Variants in TRPM3 observed in about 807,000 individuals in gnomAD.
TRPM3 encodes the protein long transient receptor potential channel 3.
Under a neutral mutation model 181.2 loss-of-function variants are expected in TRPM3, and 77 were observed. That is an observed-to-expected ratio of 0.42 (90% CI 0.35 to 0.51). The LOEUF is 0.51. Among genes scored for constraint, TRPM3 ranks in the 20% least tolerant of loss-of-function variants. The pLI, the probability that TRPM3 is intolerant of heterozygous loss-of-function variation, is 0.01. For synonymous variants in TRPM3, 745 were observed against 796.4 expected (o/e 0.94, Z 1.09); for missense variants, 1,759 against 2,196.7 (o/e 0.80, Z 3.98).
At chr9:71,288,310 A>G (rs1038990418) in intron 1 of TRPM3, among the ~76,000 whole-genome samples, 8 of 152,102 alleles carry the variant, frequency 5.3e-5, no homozygotes, top group African/African-American at 1.9e-4. Flanking sequence ...TTCTGGATGT[A>G]GAGCTAAAAC....
intron 1 of TRPM3, among the ~76,000 whole-genome samples, chr9:71,446,235 A>G (rs1394531434): frequency 6.6e-6 from 1 of 152,158 alleles, no homozygotes; most frequent in Non-Finnish European, 1.5e-5. Context: ...GAGTAAAAAT[A>G]TGGCATGCCC....
intron 1 of TRPM3, among the ~76,000 whole-genome samples, chr9:71,367,595 A>G (rs1273969430): frequency 6.6e-6 from 1 of 152,214 alleles, no homozygotes; most frequent in Non-Finnish European, 1.5e-5. Context: ...ACCATTTAGT[A>G]ACCAATCTCT....
rs111419067 is a variant in TRPM3, at chr9:70,753,268, C to G, written c.1272+8333G>C. On this transcript the variant is annotated intron_variant, in intron 8 of 25. Coordinates refer to ENST00000677713, the MANE Select transcript of TRPM3 (RefSeq NM_001366145.2). ...ACATCAAAAAAAGTGAAAAAACAAG[C>G]CCCAAACTGAGAAAATGTATCTGTA... 4.8e-3 allele frequency among the ~76,000 whole-genome samples: 723 copies of G among 152,012 alleles called. 4 individuals carry two copies. The highest frequency in any genetic ancestry group is 0.017 in the African/African-American group (700 of 41,474).
At chr9:71,061,718 A>G (rs2061355300) in intron 1 of TRPM3, among the ~76,000 whole-genome samples, 1 of 152,086 alleles carries the variant, frequency 6.6e-6, no homozygotes, top group Admixed American at 6.6e-5. Context: ...GCAATTAAGC[A>G]CATCCTGTGG....
intron 1 of TRPM3, among the ~76,000 whole-genome samples, chr9:70,946,461 T>TAAA (rs2096934339): frequency 7.3e-6 from 1 of 136,442 alleles, no homozygotes; most frequent in Non-Finnish European, 1.5e-5. Context: ...ATAATAATAA[T>TAAA]AACAGCAGCA....
intron 1 of TRPM3, among the ~76,000 whole-genome samples, chr9:71,244,452 A>G (rs2081917132): frequency 6.6e-6 from 1 of 152,160 alleles, no homozygotes; most frequent in South Asian, 2.1e-4. Context: ...CTTCTTCATA[A>G]CATGGGAAAC....
chr9:71,099,664 G>T (rs1591407130), intron 1 of TRPM3, among the ~76,000 whole-genome samples: 1 of 152,098 alleles, frequency 6.6e-6, no homozygotes, highest in Non-Finnish European at 1.5e-5. Context: ...CACATGCCAG[G>T]ATAGAAAATA....
chr9:70,910,671 A>G (rs903745069), intron 1 of TRPM3, among the ~76,000 whole-genome samples: 3 of 152,240 alleles, frequency 2.0e-5, no homozygotes, highest in Admixed American at 6.5e-5. Flanking sequence ...AGATTATGCT[A>G]TAACATGCAA....
chr9:71,075,715 C>G (rs527879382), intron 1 of TRPM3, among the ~76,000 whole-genome samples: 8 of 152,162 alleles, frequency 5.3e-5, no homozygotes, highest in Admixed American at 5.2e-4. Flanking sequence ...AATATTTGCG[C>G]AAAAGTAAAT....
At chr9:70,933,211 T>C (rs2096792421) in intron 1 of TRPM3, among the ~76,000 whole-genome samples, 1 of 152,014 alleles carries the variant, frequency 6.6e-6, no homozygotes, top group African/African-American at 2.4e-5. Flanking sequence ...TAGGAGACAG[T>C]TGGGTGTGTG....
chr9:71,032,015 A>T (rs812671), intron 1 of TRPM3, among the ~76,000 whole-genome samples: 192 of 508 alleles, frequency 0.38, 9 homozygotes, highest in African/African-American at 0.45. Flanking sequence ...ATAATATATA[A>T]TATATATATA....
At chr9:70,601,172 A>C (rs192165241) in intron 20 of TRPM3, among the ~76,000 whole-genome samples, 18 of 152,306 alleles carry the variant, frequency 1.2e-4, no homozygotes, top group Non-Finnish European at 2.2e-4. Flanking sequence ...AGACCTGTGC[A>C]GTGGGACGTC....
At chr9:70,851,026 A>C (rs1390477415) in intron 3 of TRPM3, among the ~76,000 whole-genome samples, 1 of 152,190 alleles carries the variant, frequency 6.6e-6, no homozygotes, top group Non-Finnish European at 1.5e-5. Flanking sequence ...GTAATTCCTA[A>C]CATTTCTGAG....
intron 1 of TRPM3, among the ~76,000 whole-genome samples, chr9:71,003,259 T>C (rs1024615009): frequency 1.3e-5 from 2 of 151,932 alleles, no homozygotes; most frequent in Non-Finnish European, 2.9e-5. Context: ...TTCAAGGATC[T>C]TTTCCCCATT....
chr9:70,873,291 T>A (rs536880452), intron 1 of TRPM3, among the ~76,000 whole-genome samples: 9 of 151,896 alleles, frequency 5.9e-5, no homozygotes, highest in Admixed American at 1.3e-4. Context: ...CAGAGGACCA[T>A]GACAAAGCCA....
intron 1 of TRPM3, among the ~76,000 whole-genome samples, chr9:71,233,067 G>C (rs963573583): frequency 6.6e-6 from 1 of 152,242 alleles, no homozygotes; most frequent in East Asian, 1.9e-4. Context: ...AGTGCCATAT[G>C]TAGCTAGAAA....
chr9:70,643,370 A>G (rs1312885346), intron 9 of TRPM3, among the ~76,000 whole-genome samples: 1 of 152,180 alleles, frequency 6.6e-6, no homozygotes, highest in African/African-American at 2.4e-5. Flanking sequence ...GCAAATTAGT[A>G]TGTCACCCAA....
At chr9:71,315,897 C>T (rs1387896096) in intron 1 of TRPM3, among the ~76,000 whole-genome samples, 1 of 152,048 alleles carries the variant, frequency 6.6e-6, no homozygotes, top group East Asian at 1.9e-4. Context: ...TCTGAGAAGA[C>T]AAAATTTGGT....
Position 70,864,470 on chromosome 9 carries a change from T to C in TRPM3, c.219A>G (p.Glu73=). The change falls in exon 2 of 26, where the codon GAA becomes GAG. Residue 73 remains glutamate (E), a synonymous_variant. Coordinates refer to ENST00000677713, the MANE Select transcript of TRPM3 (RefSeq NM_001366145.2). ...TGGTGCTGGGTATGATGTGGACACATTCTCTTTTATAAAATGCTCTTTCTA... is the reference window on the plus strand; with the variant it reads ...TGGTGCTGGGTATGATGTGGACACACTCTCTTTTATAAAATGCTCTTTCTA... ...SWIERAFYKR[E]CVHIIPSTKD... is the part of the protein sequence containing the mutation. 6.7e-7 allele frequency: 1 copy of C among 1,483,960 alleles called. No individual in the cohort carries two copies. The highest frequency in any genetic ancestry group is 8.9e-7 in the Non-Finnish European group (1 of 1,122,814). 91.9% of individuals were successfully genotyped at this position (1,483,960 alleles called of 1,614,324 possible).
Sources: gnomAD v4.1 joint callset for allele counts (sites outside exome capture counted in the v4.1 genomes callset) on GRCh38, gnomAD v4.1.1 for gene constraint, MANE v1.5 for transcripts, NCBI Gene and HGNC (gene_info 2026-07-23, HGNC 2026-07-21) for gene names.